The following TYW1B variants were observed in gnomAD, a reference collection of about 807,000 sequenced individuals.
TYW1B encodes tRNA-yW synthesizing protein 1 homolog B, also known as S-adenosyl-L-methionine-dependent tRNA 4-demethylwyosine synthase TYW1B.
Under a neutral mutation model 86.9 loss-of-function variants are expected in TYW1B, and 73 were observed. The ratio of observed to expected loss-of-function variants is 0.84; its 90% CI spans 0.70 to 1.02. TYW1B has a LOEUF of 1.02. TYW1B is among the 50% of genes least tolerant of loss of function. The pLI, the probability that TYW1B is intolerant of heterozygous loss-of-function variation, is 0.00. For missense variants in TYW1B, 637 were observed against 827.4 expected (o/e 0.77, Z 2.82); for synonymous variants, 248 against 292.8 (o/e 0.85, Z 1.56).
chr7:72,661,852 C>G (rs1813336139), intron 11 of TYW1B, among the ~76,000 whole-genome samples: 1 of 151,676 alleles, frequency 6.6e-6, no homozygotes, highest in South Asian at 2.1e-4. Context: ...TTTTGTTTTC[C>G]TGATCTGAGA....
At position 72,791,331 on chromosome 7, in the gene TYW1B, A is replaced by G. The variant is rs563913993; in HGVS notation, c.846+11069T>C. ...TGGCGCTCAGACCTTTAGACTCATT[A>G]TAAGTTGCCACTGCCAACATGACAC... On this transcript the variant is annotated intron_variant, in intron 6 of 13. Coordinates refer to ENST00000620995, the MANE Select transcript of TYW1B (RefSeq NM_001145440.3). 6.6e-5 allele frequency among the ~76,000 whole-genome samples: 10 copies of G among 151,802 alleles called. No homozygotes were observed. In the South Asian group the frequency reaches 1.0e-3, roughly 16 times the overall value.
At chr7:72,656,398 AG>A (rs1196043387) in intron 11 of TYW1B, among the ~76,000 whole-genome samples, 1 of 152,224 alleles carries the variant, frequency 6.6e-6, no homozygotes, top group Non-Finnish European at 1.5e-5. Flanking sequence ...AAGAATGATG[AG>A]GAAGCAAGAA....
At chr7:72,811,123 TAGAC>T (rs1250036661) in intron 3 of TYW1B, among the ~76,000 whole-genome samples, 3 of 151,070 alleles carry the variant, frequency 2.0e-5, no homozygotes, top group Non-Finnish European at 3.0e-5. Context: ...TACAAAAAAT[TAGAC>T]AGGCGTGGTG....
chr7:72,699,251 G>A (rs531879310), intron 10 of TYW1B, among the ~76,000 whole-genome samples: 1 of 152,306 alleles, frequency 6.6e-6, no homozygotes, highest in South Asian at 2.1e-4. Context: ...GCAAAGGCCC[G>A]CAGCTGTGAG....
At chr7:72,738,166 C>T (rs1275888638) in intron 8 of TYW1B, among the ~76,000 whole-genome samples, 1 of 151,474 alleles carries the variant, frequency 6.6e-6, no homozygotes, top group Non-Finnish European at 1.5e-5. Context: ...CTGCAACCTC[C>T]ACCTCCTGGG....
intron 2 of TYW1B, among the ~76,000 whole-genome samples, chr7:72,817,977 T>C (rs1788756160): frequency 6.6e-6 from 1 of 151,870 alleles, no homozygotes; most frequent in African/African-American, 2.4e-5. Flanking sequence ...CAGCCACAGG[T>C]TGGCCTTAGG....
At chr7:72,586,689 A>G (rs1276447644) in intron 13 of TYW1B, among the ~76,000 whole-genome samples, 25 of 152,078 alleles carry the variant, frequency 1.6e-4, no homozygotes, top group Admixed American at 1.6e-3. Context: ...GTGAGCAGAG[A>G]TCGTGCCACT....
chr7:72,607,405 A>AAAAAAAAG (rs1156598377), intron 13 of TYW1B, among the ~76,000 whole-genome samples: 1 of 151,006 alleles, frequency 6.6e-6, no homozygotes, highest in Non-Finnish European at 1.5e-5. Context: ...AAAAAAAAAA[A>AAAAAAAAG]AAAAGAAAAG....
intron 11 of TYW1B, among the ~76,000 whole-genome samples, chr7:72,671,293 C>T (rs1332223152): frequency 6.6e-6 from 1 of 152,150 alleles, no homozygotes; most frequent in Admixed American, 6.6e-5. Context: ...AGGAAGAATA[C>T]AGCCAAAGGT....
chr7:72,815,592 T>C (rs1271496764), intron 2 of TYW1B, 111 bp from the exon 3 acceptor site: 3 of 968,966 alleles, frequency 3.1e-6, no homozygotes, highest in Non-Finnish European at 4.6e-6. Flanking sequence ...ATGTTTTCAG[T>C]GACTGATATG....
chr7:72,750,195 C>T (rs1787476206), intron 7 of TYW1B, among the ~76,000 whole-genome samples: 1 of 152,060 alleles, frequency 6.6e-6, no homozygotes, highest in African/African-American at 2.4e-5. Context: ...GCCACTGCAC[C>T]CAGCCCTGAA....
intron 13 of TYW1B, among the ~76,000 whole-genome samples, chr7:72,588,227 A>C (rs1435675095): frequency 1.3e-5 from 2 of 152,258 alleles, no homozygotes; most frequent in Non-Finnish European, 2.9e-5. Context: ...AGCCAAGTGC[A>C]ATTCTAAAAG....
At chr7:72,653,919 A>G (rs1185424970) in intron 11 of TYW1B, among the ~76,000 whole-genome samples, 1 of 151,934 alleles carries the variant, frequency 6.6e-6, no homozygotes, top group Non-Finnish European at 1.5e-5. Context: ...GTCTCTATTA[A>G]AAATACAAAA....
At chr7:72,610,588 A>C (rs1222900705) in intron 13 of TYW1B, among the ~76,000 whole-genome samples, 2 of 152,030 alleles carry the variant, frequency 1.3e-5, no homozygotes, top group African/African-American at 2.4e-5. Context: ...GCTAGACCTG[A>C]GGGTGAAACA....
At chr7:72,776,455 G>C (rs1787955266) in intron 7 of TYW1B, among the ~76,000 whole-genome samples, 1 of 149,802 alleles carries the variant, frequency 6.7e-6, no homozygotes, top group Non-Finnish European at 1.5e-5. Flanking sequence ...CAGCTGCTCA[G>C]GAGGCTGAGG....
intron 11 of TYW1B, among the ~76,000 whole-genome samples, chr7:72,634,355 T>G (rs1368223685): frequency 1.4e-5 from 2 of 142,342 alleles, no homozygotes; most frequent in South Asian, 2.3e-4. Context: ...TTTTTTTTTT[T>G]CTTTTTTTTT....
chr7:72,771,710 A>AC (rs1787871669), intron 7 of TYW1B, among the ~76,000 whole-genome samples: 2 of 79,800 alleles, frequency 2.5e-5, no homozygotes, highest in Admixed American at 2.4e-4. Context: ...AAATTTAGCA[A>AC]AATTTTTTTT....
At chr7:72,769,248 G>C (rs1787826418) in intron 7 of TYW1B, 1 of 227,136 alleles carries the variant, frequency 4.4e-6, no homozygotes, top group African/African-American at 2.3e-5. Context: ...CCTGTTATCT[G>C]TTTGCATGCA....
chr7:72,597,237 G>A (rs1247267428), intron 13 of TYW1B, among the ~76,000 whole-genome samples: 2 of 151,610 alleles, frequency 1.3e-5, no homozygotes, highest in African/African-American at 4.9e-5. Flanking sequence ...AAGAAATCAT[G>A]ATGGAAATTG....
Sources: gnomAD v4.1 joint callset for allele counts (sites outside exome capture counted in the v4.1 genomes callset) on GRCh38, gnomAD v4.1.1 for gene constraint, MANE v1.5 for transcripts, NCBI Gene and HGNC (gene_info 2026-07-23, HGNC 2026-07-21) for gene names.